The following CENPM variants were observed in gnomAD, a reference collection of about 807,000 sequenced individuals.
CENPM encodes interphase centromere complex protein 39.
A neutral mutation model predicts 19.6 loss-of-function variants in CENPM; 14 were observed. The ratio of observed to expected loss-of-function variants is 0.71; its 90% CI spans 0.47 to 1.11. CENPM has a LOEUF of 1.11. CENPM is among the 50% of genes most tolerant of loss of function. CENPM has a pLI of 0.00. For synonymous variants in CENPM, 114 were observed against 101.5 expected (o/e 1.12, Z -0.74); for missense variants, 239 against 228.4 (o/e 1.05, Z -0.30).
At position 41,946,982 on chromosome 22, in the gene CENPM, G is replaced by C. The variant is rs780177176; in HGVS notation, c.57+38C>G. On this transcript the variant is annotated intron_variant, in intron 1 of 5. Transcript: ENST00000215980. Reference sequence around the variant, plus strand: ...TAGTGGCTGAAGCACCGCCCAGGAGGAAAAACCGGCGGGGGAAGCAGGGCC... The same window carrying C: ...TAGTGGCTGAAGCACCGCCCAGGAGCAAAAACCGGCGGGGGAAGCAGGGCC... 5 of 1,608,678 alleles carry C rather than the reference G, an allele frequency of 3.1e-6. No homozygotes were observed. In the South Asian group the frequency reaches 4.4e-5, roughly 14 times the overall value.
intron 3 of CENPM, 113 bp downstream of exon 3, chr22:41,945,800 T>C (rs1602393747): frequency 1.3e-6 from 1 of 792,576 alleles, no homozygotes; most frequent in South Asian, 1.8e-5. Context: ...CAGATTGACC[T>C]CAGCCAGCCT....
chr22:41,937,537 C>T (rs539790662), downstream of CENPM, among the ~76,000 whole-genome samples: 6 of 152,184 alleles, frequency 3.9e-5, no homozygotes, highest in African/African-American at 1.4e-4. Flanking sequence ...TCAGGCAATC[C>T]GCCCGCCTCG....
In CENPM at chr22:41,945,215, A is replaced by T. The variant is rs1363446227; in HGVS notation, c.310+10T>A. On this transcript the variant is annotated intron_variant, in intron 4 of 5. Coordinates refer to ENST00000215980, the MANE Select transcript of CENPM (RefSeq NM_024053.5). ...GGGGGTGGGCAGTAACAGGCGAGGA[A>T]CGTACTTACCACCTGTGGCGAGGAA... The T allele has an allele frequency of 6.2e-7, 1 of 1,613,600 alleles. No homozygotes were observed. The highest frequency in any genetic ancestry group is 2.2e-5 in the East Asian group (1 of 44,844).
chr22:41,946,926 T>A, intron 1 of CENPM, 94 bp downstream of exon 1: 1 of 1,315,870 alleles, frequency 7.6e-7, no homozygotes, highest in Admixed American at 1.7e-5. Context: ...TAGCGCGCGC[T>A]GGCTTGGCGC....
Position 41,947,107 on chromosome 22 carries a change from G to C in CENPM, c.-31C>G, listed in dbSNP as rs767420205. ...CCGCAGGACCAACCGTTGCTCCTGCGGTGCGCGCCGATCTTTCAAACCGCC... is the reference window on the plus strand; with the variant it reads ...CCGCAGGACCAACCGTTGCTCCTGCCGTGCGCGCCGATCTTTCAAACCGCC... On this transcript the variant is annotated 5_prime_UTR_variant, in exon 1 of 6. Coordinates refer to ENST00000215980, the MANE Select transcript of CENPM (RefSeq NM_024053.5). 72 of 1,609,544 alleles carry C rather than the reference G, an allele frequency of 4.5e-5. No homozygotes were observed. Among genetic ancestry groups the C allele is most frequent in the Non-Finnish European group, 5.9e-5 (70 of 1,177,534 alleles).
chr22:41,935,756 T>C (rs548624078), downstream of CENPM, among the ~76,000 whole-genome samples: 22 of 152,338 alleles, frequency 1.4e-4, no homozygotes, highest in African/African-American at 4.8e-4. Context: ...TGCTGTGTTC[T>C]AGTGGTCCCA....
At chr22:41,939,878 AAAAGAAAGAAAGAAAG>A (rs1268180534) in intron 5 of CENPM, among the ~76,000 whole-genome samples, 82 of 72,990 alleles carry the variant, frequency 1.1e-3, no homozygotes, top group Admixed American at 3.9e-3. Context: ...GAAAGAAAGA[AAAAGAAAGAAAGAAAG>A]AAAGAAAGAA....
At chr22:41,941,576 G>A (rs1263718252) in intron 5 of CENPM, among the ~76,000 whole-genome samples, 1 of 152,224 alleles carries the variant, frequency 6.6e-6, no homozygotes, top group Non-Finnish European at 1.5e-5. Context: ...ATGCTTCGTG[G>A]CAGACAAAGT....
chr22:41,927,252 C>G, the CENPM span, among the ~76,000 whole-genome samples: 1 of 152,112 alleles, frequency 6.6e-6, no homozygotes, highest in Non-Finnish European at 1.5e-5. Context: ...TTCCCCAATT[C>G]AGCCCCTCAA....
chr22:41,945,113 G>A, intron 4 of CENPM, 112 bp downstream of exon 4: 2 of 1,568,510 alleles, frequency 1.3e-6, no homozygotes, highest in Non-Finnish European at 1.7e-6. Context: ...GCCCCAGTGT[G>A]TGTAAAATAC....
At chr22:41,928,419 G>C in the CENPM span, among the ~76,000 whole-genome samples, 1 of 152,176 alleles carries the variant, frequency 6.6e-6, no homozygotes, top group Non-Finnish European at 1.5e-5. The surrounding 1 kb of genome is among the most constrained non-coding windows in gnomAD (Gnocchi z 4.0). Flanking sequence ...CCCAGGGCCA[G>C]GGCTGGAGGG....
the CENPM span, among the ~76,000 whole-genome samples, chr22:41,932,295 CA>C: frequency 1.3e-5 from 2 of 152,322 alleles, no homozygotes; most frequent in South Asian, 4.1e-4. The surrounding 1 kb of genome is among the most constrained non-coding windows in gnomAD (Gnocchi z 4.3). Context: ...TTGCTGGGGC[CA>C]GGGGAAAGGA....
At chr22:41,939,255 G>C (rs1028577281) in intron 5 of CENPM, 59 bp from the exon 6 acceptor site, 1 of 1,527,354 alleles carries the variant, frequency 6.5e-7, no homozygotes, top group Non-Finnish European at 8.8e-7. Flanking sequence ...CCCTTACCCA[G>C]AGCAGCTGCA....
rs759502065 is a variant in CENPM, at chr22:41,947,103, C to T, written c.-27G>A. 1.3e-5 allele frequency: 21 copies of T among 1,610,732 alleles called. No individual in the cohort carries two copies. In the Middle Eastern group the frequency reaches 5.0e-4, roughly 38 times the overall value. On this transcript the variant is annotated 5_prime_UTR_variant, in exon 1 of 6. Transcript: ENST00000215980. ...ACAGCCGCAGGACCAACCGTTGCTC[C>T]TGCGGTGCGCGCCGATCTTTCAAAC...
the CENPM span, among the ~76,000 whole-genome samples, chr22:41,927,402 A>T: frequency 1.3e-5 from 2 of 152,060 alleles, no homozygotes; most frequent in Non-Finnish European, 2.9e-5. Context: ...CCGTCTAGCC[A>T]AAGCCTCTCC....
the CENPM span, among the ~76,000 whole-genome samples, chr22:41,931,915 G>C: frequency 6.6e-6 from 1 of 152,246 alleles, no homozygotes; most frequent in Admixed American, 6.5e-5. Context: ...TAATTATGCA[G>C]TAGTACCTGA....
chr22:41,932,334 G>T, the CENPM span, among the ~76,000 whole-genome samples: 105 of 152,352 alleles, frequency 6.9e-4, 1 homozygote, highest in Non-Finnish European at 2.5e-4. The surrounding 1 kb of genome is among the most constrained non-coding windows in gnomAD (Gnocchi z 4.3). Flanking sequence ...CGGTTCATTG[G>T]GAGAGGGCAG....
rs750856068 is a variant in CENPM at position 41,945,389 on chromosome 22, C to T, written c.231-85G>A. ...AAGCAGAAGTCCTTGCTTCTCTGAT[C>T]CTAGAGGCCAGAGAATGACAAGAGG... On this transcript the variant is annotated intron_variant, in intron 3 of 5. Transcript: ENST00000215980. The T allele has an allele frequency of 4.4e-6, 7 of 1,584,602 alleles. No individual in the cohort carries two copies. In the South Asian group the frequency reaches 6.8e-5, roughly 15 times the overall value.
At chr22:41,946,937 C>T (rs974765253) in intron 1 of CENPM, 83 bp downstream of exon 1, 46 of 1,429,600 alleles carry the variant, frequency 3.2e-5, no homozygotes, top group Non-Finnish European at 4.0e-5. Context: ...GGCTTGGCGC[C>T]TCAGAGAGCT....
Sources: allele counts gnomAD v4.1 joint callset (sites outside exome capture counted in the v4.1 genomes callset), GRCh38; gene constraint gnomAD v4.1.1; non-coding constraint Gnocchi (gnomAD v3.1); transcripts MANE v1.5; gene names NCBI Gene and HGNC (gene_info 2026-07-23, HGNC 2026-07-21).